The following ARHGEF37 variants were observed in gnomAD, a reference collection of about 807,000 sequenced individuals.
ARHGEF37 encodes Rho guanine nucleotide exchange factor 37.
Under a neutral mutation model 71.1 loss-of-function variants are expected in ARHGEF37, and 55 were observed. The ratio of observed to expected loss-of-function variants is 0.77; its 90% CI spans 0.62 to 0.97. ARHGEF37 has a LOEUF of 0.97. Ranked by LOEUF, ARHGEF37 falls within the 50% of genes least tolerant of loss-of-function variation. The pLI is 0.00. For missense variants in ARHGEF37, 765 were observed against 836.8 expected, an observed-to-expected ratio of 0.91 and a Z score of 1.06; for synonymous variants, 327 against 350.6, an observed-to-expected ratio of 0.93 and a Z score of 0.75.
chr5:149,623,013 C>A (rs1395912368), intron 9 of ARHGEF37, among the ~76,000 whole-genome samples: 1 of 152,188 alleles, frequency 6.6e-6, no homozygotes, highest in African/African-American at 2.4e-5. Flanking sequence ...CATCACCTTT[C>A]TAGCCCACAG....
At chr5:149,586,399 C>T (rs537828315) in intron 1 of ARHGEF37, among the ~76,000 whole-genome samples, 7 of 152,352 alleles carry the variant, frequency 4.6e-5, no homozygotes, top group African/African-American at 9.6e-5. Context: ...GCTGGGACTA[C>T]AGGCATGCAC....
At chr5:149,589,302 TTTAA>T (rs1763328089) in intron 1 of ARHGEF37, among the ~76,000 whole-genome samples, 1 of 151,554 alleles carries the variant, frequency 6.6e-6, no homozygotes, top group Admixed American at 6.7e-5. Flanking sequence ...TTATTATGTT[TTTAA>T]TTGACACATA....
At chr5:149,597,670 C>A in intron 1 of ARHGEF37, 89 bp from the exon 2 acceptor site, 2 of 1,247,924 alleles carry the variant, frequency 1.6e-6, no homozygotes, top group Non-Finnish European at 2.2e-6. Flanking sequence ...GTTTTTAGGC[C>A]TCTTGATGAG....
intron 3 of ARHGEF37, among the ~76,000 whole-genome samples, chr5:149,604,076 G>A (rs1200075116): frequency 6.6e-6 from 1 of 152,174 alleles, no homozygotes; most frequent in African/African-American, 2.4e-5. Context: ...CATTCTAAGG[G>A]TCTAAGGACT....
chr5:149,591,985 T>C (rs1052291580), intron 1 of ARHGEF37, among the ~76,000 whole-genome samples: 2 of 152,226 alleles, frequency 1.3e-5, no homozygotes, highest in Non-Finnish European at 2.9e-5. Flanking sequence ...AGAGCATCTG[T>C]ATAATATTTT....
chr5:149,623,368 A>C (rs1200393164), intron 9 of ARHGEF37, among the ~76,000 whole-genome samples: 3 of 152,124 alleles, frequency 2.0e-5, no homozygotes, highest in African/African-American at 7.2e-5. Flanking sequence ...TTTGGCCCTC[A>C]CAGAGTTCTG....
At position 149,621,714 on chromosome 5, in the gene ARHGEF37, C is replaced by T. The variant is rs376205167; in HGVS notation, c.1006-19C>T. On this transcript the variant is annotated intron_variant, in intron 8 of 12. Coordinates refer to ENST00000333677, the MANE Select transcript of ARHGEF37 (RefSeq NM_001001669.3). Reference sequence around the variant, plus strand: ...TTGCCACCTCCTTTCCCGACTCCCACGCTCATGTCTCCCCACAGAAGCAAC... The same window carrying T: ...TTGCCACCTCCTTTCCCGACTCCCATGCTCATGTCTCCCCACAGAAGCAAC... 26 of 1,596,818 alleles carry T rather than the reference C, an allele frequency of 1.6e-5. No individual in the cohort carries two copies. The highest frequency in any genetic ancestry group is 9.0e-5 in the East Asian group (4 of 44,688).
At chr5:149,589,310 A>G (rs533349385) in intron 1 of ARHGEF37, among the ~76,000 whole-genome samples, 27 of 150,192 alleles carry the variant, frequency 1.8e-4, no homozygotes, top group African/African-American at 6.6e-4. Flanking sequence ...TTTTTAATTG[A>G]CACATAATGT....
intron 5 of ARHGEF37, among the ~76,000 whole-genome samples, chr5:149,617,633 A>C (rs1752415983): frequency 6.6e-6 from 1 of 152,194 alleles, no homozygotes. Context: ...TTCCTGTCGC[A>C]GAACTGGTAA....
chr5:149,623,866 G>A (rs1432956745), intron 9 of ARHGEF37, 146 bp from the exon 10 acceptor site: 4 of 1,093,734 alleles, frequency 3.7e-6, no homozygotes, highest in Non-Finnish European at 5.0e-6. Flanking sequence ...TGACGAAAAT[G>A]CAAGAGATCC....
At chr5:149,598,621 T>G (rs1763646193) in intron 2 of ARHGEF37, among the ~76,000 whole-genome samples, 1 of 151,420 alleles carries the variant, frequency 6.6e-6, no homozygotes, top group African/African-American at 2.4e-5. Context: ...GGAAATGCAT[T>G]TGCTGCCTTT....
chr5:149,608,532 C>A (rs780763515), intron 3 of ARHGEF37, among the ~76,000 whole-genome samples: 1 of 152,012 alleles, frequency 6.6e-6, no homozygotes, highest in South Asian at 2.1e-4. Flanking sequence ...ACCATCACAC[C>A]CGGCTAATTT....
Position 149,632,193 on chromosome 5 carries a change from G to T in ARHGEF37, c.*2G>T, listed in dbSNP as rs1341685421. ...TGGGGCTGGAGTCTGCCCTCTTAGG[G>T]TACCCTCTTTGGAGCCTACATTGCC... On this transcript the variant is annotated 3_prime_UTR_variant, in exon 13 of 13. Coordinates refer to ENST00000333677, the MANE Select transcript of ARHGEF37 (RefSeq NM_001001669.3). The T allele has an allele frequency of 1.2e-6, 2 of 1,613,846 alleles. No homozygotes were observed. Among genetic ancestry groups the T allele is most frequent in the Non-Finnish European group, 1.7e-6 (2 of 1,179,844 alleles).
At chr5:149,577,270 A>G (rs752345756), upstream of ARHGEF37, among the ~76,000 whole-genome samples, 3 of 152,258 alleles carry the variant, frequency 2.0e-5, no homozygotes, top group Non-Finnish European at 4.4e-5. Flanking sequence ...TAGGCACTCA[A>G]TAAGTAGCAC....
At chr5:149,589,566 C>T (rs1676951859) in intron 1 of ARHGEF37, among the ~76,000 whole-genome samples, 1 of 152,156 alleles carries the variant, frequency 6.6e-6, no homozygotes, top group South Asian at 2.1e-4. Flanking sequence ...GTGGCGAGAT[C>T]TCAGCTCGCT....
At chr5:149,589,997 T>C (rs904001372) in intron 1 of ARHGEF37, among the ~76,000 whole-genome samples, 2 of 152,160 alleles carry the variant, frequency 1.3e-5, no homozygotes, top group Admixed American at 6.6e-5. Context: ...ATAGTTCCTC[T>C]GCTTTTAGTG....
upstream of ARHGEF37, among the ~76,000 whole-genome samples, chr5:149,578,796 G>A (rs1309537907): frequency 6.6e-6 from 1 of 152,106 alleles, no homozygotes; most frequent in African/African-American, 2.4e-5. Flanking sequence ...CTTTGTTAGA[G>A]GTTTCCAGTC....
intron 10 of ARHGEF37, among the ~76,000 whole-genome samples, chr5:149,625,691 G>A (rs890404151): frequency 6.6e-5 from 10 of 152,170 alleles, no homozygotes; most frequent in Non-Finnish European, 1.3e-4. Context: ...CGGGGAGAGA[G>A]CACGGGTGCA....
At chr5:149,597,655 A>T in intron 1 of ARHGEF37, 104 bp from the exon 2 acceptor site, 1 of 1,021,308 alleles carries the variant, frequency 9.8e-7, no homozygotes, top group Non-Finnish European at 1.4e-6. Context: ...TTTGCAGCTT[A>T]AGATGTTTTT....
Sources: allele counts gnomAD v4.1 joint callset (sites outside exome capture counted in the v4.1 genomes callset), GRCh38; gene constraint gnomAD v4.1.1; transcripts MANE v1.5; gene names NCBI Gene and HGNC (gene_info 2026-07-23, HGNC 2026-07-21).